The following RASGRF1 variants were observed in gnomAD, a reference collection of about 807,000 sequenced individuals.
RASGRF1 encodes ras-specific guanine nucleotide-releasing factor 1.
In RASGRF1, 40 loss-of-function variants were observed where a neutral mutation model predicts 138.7. That is an observed-to-expected ratio of 0.29 (90% CI 0.22 to 0.38). The LOEUF (loss-of-function observed/expected upper bound fraction) is 0.38, where lower values mean the gene tolerates loss of function less well. Among genes scored for constraint, RASGRF1 ranks in the 10% least tolerant of loss-of-function variants. RASGRF1 has a pLI of 1.00. For synonymous variants in RASGRF1, 614 were observed against 663.2 expected (o/e 0.93, Z 1.14); for missense variants, 1,108 against 1,650.4 (o/e 0.67, Z 5.69).
intron 14 of RASGRF1, 105 bp from the exon 15 acceptor site, chr15:79,004,280 A>G (rs1222760126): frequency 1.5e-6 from 2 of 1,375,624 alleles, no homozygotes; most frequent in Non-Finnish European, 1.9e-6. Context: ...CAACGGCTCC[A>G]TCATTCTTAG....
chr15:79,037,950 G>A (rs2057245110), intron 5 of RASGRF1, among the ~76,000 whole-genome samples: 1 of 151,980 alleles, frequency 6.6e-6, no homozygotes, highest in African/African-American at 2.4e-5. Flanking sequence ...CCTCACATGT[G>A]CAGTTCATGA....
chr15:79,035,102 G>A, intron 6 of RASGRF1, 29 bp downstream of exon 6: 2 of 1,584,744 alleles, frequency 1.3e-6, no homozygotes, highest in Non-Finnish European at 1.7e-6. Flanking sequence ...GGACTTCTCT[G>A]GGGGCCGCAG....
chr15:79,003,851 G>A lies in RASGRF1; in HGVS notation c.2400C>T (p.Gly800=), dbSNP rs111385391. The A allele has an allele frequency of 6.1e-3, 9,771 of 1,613,324 alleles. 86 individuals carry two copies. The highest frequency in any genetic ancestry group is 0.016 in the South Asian group (1,438 of 91,038). Residue 800 remains glycine, a synonymous_variant, in exon 15 of 27, where the codon GGC becomes GGT. Transcript: ENST00000558480. ...CTTCGGGCTTCTCAGGGGTCGTATC[G>A]CCCTCATCTGGAATCTTGTTGGTGA... ...SSFTNKIPDE[G]DTTPEKPEDP...
chr15:79,075,962 G>A (rs181062757), intron 1 of RASGRF1, among the ~76,000 whole-genome samples: 6 of 152,250 alleles, frequency 3.9e-5, no homozygotes, highest in African/African-American at 9.6e-5. Context: ...GTCATTTCTC[G>A]TTCATTAATT....
At chr15:79,023,155 T>C (rs1452137367) in intron 10 of RASGRF1, among the ~76,000 whole-genome samples, 1 of 151,600 alleles carries the variant, frequency 6.6e-6, no homozygotes, top group Admixed American at 6.6e-5. Flanking sequence ...GTCTGGGCGA[T>C]AGACTGAAAC....
At chr15:79,034,660 T>C (rs1203400508) in intron 6 of RASGRF1, among the ~76,000 whole-genome samples, 1 of 151,314 alleles carries the variant, frequency 6.6e-6, no homozygotes, top group Non-Finnish European at 1.5e-5. Flanking sequence ...AAAATGCTTA[T>C]GGGATAATGC....
At chr15:79,031,802 G>A (rs1371467803) in intron 7 of RASGRF1, among the ~76,000 whole-genome samples, 1 of 152,068 alleles carries the variant, frequency 6.6e-6, no homozygotes, top group African/African-American at 2.4e-5. Context: ...GGACTTCCAT[G>A]AGCAGAACTG....
Position 79,068,471 on chromosome 15 carries a change from C to CTATA in RASGRF1, c.277-3949_277-3946dup, listed in dbSNP as rs55712182. Among the ~76,000 whole-genome samples, 61 of 124,952 alleles carry CTATA rather than the reference C, an allele frequency of 4.9e-4. 1 individual carries two copies. The highest frequency in any genetic ancestry group is 1.6e-3 in the South Asian group (6 of 3,810). 82.0% of individuals were successfully genotyped at this position (124,952 alleles called of 152,430 possible). On this transcript the variant is annotated intron_variant, in intron 1 of 26. Transcript: ENST00000558480. ...AGCTGGGCTCAAGGTCTTTTTGAGC[C>CTATA]TATATATATATATATATATATACAC...
At chr15:79,011,171 C>T (rs2056788551) in intron 13 of RASGRF1, among the ~76,000 whole-genome samples, 1 of 152,146 alleles carries the variant, frequency 6.6e-6, no homozygotes, top group Non-Finnish European at 1.5e-5. Context: ...TTGGCCCTAT[C>T]ACCTACAGAA....
At chr15:78,984,921 G>A (rs2056115339) in intron 23 of RASGRF1, 86 bp downstream of exon 23, 1 of 1,429,390 alleles carries the variant, frequency 7.0e-7, no homozygotes, top group Non-Finnish European at 9.7e-7. Context: ...CCCACTTGTG[G>A]ATGCCCAGTG....
chr15:78,965,620 G>A (rs985436991), intron 26 of RASGRF1, among the ~76,000 whole-genome samples: 5 of 152,210 alleles, frequency 3.3e-5, no homozygotes, highest in Non-Finnish European at 7.3e-5. Flanking sequence ...GGAGGCCAAA[G>A]CAGGTGGATC....
At chr15:78,987,077 G>C (rs1213390349) in intron 22 of RASGRF1, among the ~76,000 whole-genome samples, 1 of 152,194 alleles carries the variant, frequency 6.6e-6, no homozygotes, top group Non-Finnish European at 1.5e-5. Flanking sequence ...CCTTGATACT[G>C]AGACCAGAGA....
chr15:79,058,229 G>C, intron 3 of RASGRF1, 105 bp downstream of exon 3: 1 of 1,490,646 alleles, frequency 6.7e-7, no homozygotes, highest in Non-Finnish European at 9.0e-7. Flanking sequence ...AACTGCATCT[G>C]GGAGCTGCTT....
At chr15:79,028,002 G>C (rs1384790966) in intron 8 of RASGRF1, 143 bp from the exon 9 acceptor site, 13 of 834,406 alleles carry the variant, frequency 1.6e-5, no homozygotes, top group Non-Finnish European at 3.9e-6. Flanking sequence ...GGAGGGGAAG[G>C]GAGTGTGCAT....
intron 1 of RASGRF1, among the ~76,000 whole-genome samples, chr15:79,077,240 A>G (rs1161666221): frequency 6.6e-6 from 1 of 152,204 alleles, no homozygotes. Flanking sequence ...TGGAGTCATC[A>G]GACCTGGGTT....
intron 26 of RASGRF1, among the ~76,000 whole-genome samples, chr15:78,963,302 A>T (rs2055583183): frequency 6.8e-6 from 1 of 147,992 alleles, no homozygotes; most frequent in African/African-American, 2.6e-5. Context: ...AAAGAAAAAA[A>T]TTTTCTTTTT....
rs751257301 is a variant in RASGRF1 at position 79,004,028 on chromosome 15, G to C, written c.2223C>G (p.Leu741=). ...CAGTGATGATGGGGATGTTCAGGGA[G>C]AGCTTCCGCCGGCGGCTCGGTGACG... ...KTSSPSRRRK[L]SLNIPIITGG... The change falls in exon 15 of 27, where the codon CTC becomes CTG. Residue 741 remains leucine, a synonymous_variant. Transcript: ENST00000558480. 3 of 1,614,078 alleles carry C rather than the reference G, an allele frequency of 1.9e-6. No homozygotes were observed. In the African/African-American group the frequency reaches 4.0e-5, roughly 22 times the overall value.
chr15:78,972,581 C>T (rs2055786010), intron 25 of RASGRF1, among the ~76,000 whole-genome samples: 1 of 152,128 alleles, frequency 6.6e-6, no homozygotes, highest in African/African-American at 2.4e-5. Context: ...GCATCAGCCA[C>T]TTCCTTAGCG....
intron 20 of RASGRF1, among the ~76,000 whole-genome samples, chr15:78,994,456 G>T (rs1376365334): frequency 6.6e-6 from 1 of 152,240 alleles, no homozygotes. Context: ...CAGACTGAAG[G>T]TCACTCAACC....
Sources: allele counts gnomAD v4.1 joint callset (sites outside exome capture counted in the v4.1 genomes callset), GRCh38; gene constraint gnomAD v4.1.1; transcripts MANE v1.5; gene names NCBI Gene and HGNC (gene_info 2026-07-23, HGNC 2026-07-21).